LRFN2: variants seen among roughly 807,000 people sequenced by gnomAD.
The protein encoded by LRFN2 is leucine rich repeat and fibronectin type III domain containing 2.
In LRFN2, 18 loss-of-function variants were observed where a neutral mutation model predicts 37.3. The ratio of observed to expected loss-of-function variants is 0.48; its 90% CI spans 0.33 to 0.72. LRFN2 has a LOEUF of 0.72. Ranked by LOEUF, LRFN2 falls within the 30% of genes least tolerant of loss-of-function variation. The pLI, the probability that LRFN2 is intolerant of heterozygous loss-of-function variation, is 0.02. For missense variants in LRFN2, 1,006 were observed against 1,060.7 expected, an observed-to-expected ratio of 0.95 and a Z score of 0.72; for synonymous variants, 556 against 466.6, an observed-to-expected ratio of 1.19 and a Z score of -2.47.
intron 1 of LRFN2, among the ~76,000 whole-genome samples, chr6:40,465,200 A>T (rs1370238813): frequency 6.6e-6 from 1 of 152,170 alleles, no homozygotes; most frequent in East Asian, 1.9e-4. Context: ...AGCTAGAAAG[A>T]GCAAGGAAAC....
At chr6:40,486,373 A>C (rs1233389164) in intron 1 of LRFN2, among the ~76,000 whole-genome samples, 4 of 152,188 alleles carry the variant, frequency 2.6e-5, no homozygotes, top group African/African-American at 9.6e-5. Flanking sequence ...CTGACTGTGC[A>C]ATAAGAGCTG....
chr6:40,454,214 G>A (rs1764186457), intron 1 of LRFN2, among the ~76,000 whole-genome samples: 1 of 152,210 alleles, frequency 6.6e-6, no homozygotes, highest in Non-Finnish European at 1.5e-5. Flanking sequence ...AGCCAGTGCT[G>A]GTGAGGCTGT....
chr6:40,517,311 G>A (rs1273080753), intron 1 of LRFN2: 1 of 152,206 alleles, frequency 6.6e-6, no homozygotes. Flanking sequence ...TACCTTATGA[G>A]TATGGGGGAT....
intron 1 of LRFN2, among the ~76,000 whole-genome samples, chr6:40,572,992 T>G: frequency 6.6e-6 from 1 of 152,212 alleles, no homozygotes; most frequent in East Asian, 1.9e-4. Context: ...GCCGCCCCAG[T>G]GATGACTGAG....
chr6:40,540,127 C>T (rs541911625), intron 1 of LRFN2, among the ~76,000 whole-genome samples: 5 of 152,292 alleles, frequency 3.3e-5, no homozygotes, highest in South Asian at 2.1e-4. Flanking sequence ...TCAGCTCTCC[C>T]ACTGACTAGC....
chr6:40,550,385 G>A (rs1269045399), intron 1 of LRFN2, among the ~76,000 whole-genome samples: 1 of 152,168 alleles, frequency 6.6e-6, no homozygotes, highest in African/African-American at 2.4e-5. Flanking sequence ...GAGTCACATT[G>A]TCAAGCCTGG....
At chr6:40,535,434 G>T (rs1437930808) in intron 1 of LRFN2, among the ~76,000 whole-genome samples, 1 of 152,200 alleles carries the variant, frequency 6.6e-6, no homozygotes, top group African/African-American at 2.4e-5. Context: ...GAGAAGGGAA[G>T]GGTGGGGTAT....
chr6:40,511,651 T>G (rs1765711778), intron 1 of LRFN2, among the ~76,000 whole-genome samples: 1 of 151,970 alleles, frequency 6.6e-6, no homozygotes, highest in Non-Finnish European at 1.5e-5. Context: ...ACGAGGGGTG[T>G]TCCAGGAAGC....
intron 1 of LRFN2, among the ~76,000 whole-genome samples, chr6:40,497,328 C>T (rs1387752416): frequency 6.6e-6 from 1 of 152,132 alleles, no homozygotes; most frequent in East Asian, 1.9e-4. Context: ...CTTAGTCAAC[C>T]AGGCCCAACC....
chr6:40,565,466 A>G (rs1376898329), intron 1 of LRFN2, among the ~76,000 whole-genome samples: 1 of 151,982 alleles, frequency 6.6e-6, no homozygotes, highest in Non-Finnish European at 1.5e-5. Flanking sequence ...GAGGCATCAC[A>G]CTACCTGACT....
intron 2 of LRFN2, among the ~76,000 whole-genome samples, chr6:40,406,795 C>T (rs1216952700): frequency 2.0e-5 from 3 of 152,240 alleles, no homozygotes; most frequent in Admixed American, 2.0e-4. Flanking sequence ...TCTCTCATCC[C>T]ACCTTGAAGA....
intron 1 of LRFN2, among the ~76,000 whole-genome samples, chr6:40,450,116 A>T (rs569738004): frequency 1.9e-4 from 29 of 152,292 alleles, no homozygotes; most frequent in African/African-American, 7.0e-4. Flanking sequence ...GAGACACAGG[A>T]CTACGAAGTC....
At position 40,432,415 on chromosome 6, in the gene LRFN2, T is replaced by C. The variant is rs1238563327; in HGVS notation, c.699A>G (p.Pro233=). 1 of 1,613,766 alleles carries C rather than the reference T, an allele frequency of 6.2e-7. No individual in the cohort carries two copies. The highest frequency in any genetic ancestry group is 1.1e-5 in the South Asian group (1 of 91,062). Residue 233 remains proline, a synonymous_variant, in exon 2 of 3, where the codon CCA becomes CCG. Transcript: ENST00000338305. ...ASALTATPFA[P]PLSFSFGGNP... The stretch of plus-strand genomic sequence containing the variant: ...TACCCCCAAAACTAAAGGACAAGGG[T>C]GGGGCAAAGGGTGTGGCTGTCAAAG...
At chr6:40,411,340 A>C (rs1319148416) in intron 2 of LRFN2, among the ~76,000 whole-genome samples, 1 of 152,146 alleles carries the variant, frequency 6.6e-6, no homozygotes, top group African/African-American at 2.4e-5. Context: ...TGTGTGAGTG[A>C]GTGGCCGTTG....
chr6:40,413,799 C>T (rs113185359), intron 2 of LRFN2, among the ~76,000 whole-genome samples: 2 of 152,134 alleles, frequency 1.3e-5, no homozygotes, highest in African/African-American at 4.8e-5. Flanking sequence ...GAGAGCCCTC[C>T]CCTCCTGAAG....
chr6:40,401,052 G>A (rs1762728630), intron 2 of LRFN2, among the ~76,000 whole-genome samples: 1 of 146,906 alleles, frequency 6.8e-6, no homozygotes, highest in South Asian at 2.1e-4. Flanking sequence ...GACTTCCTAT[G>A]TGACCTCTCT....
In LRFN2 at chr6:40,432,102, C is replaced by G. The variant is rs1232594724; in HGVS notation, c.1012G>C (p.Val338Leu). The G allele has an allele frequency of 1.9e-6, 3 of 1,613,982 alleles. No homozygotes were observed. The highest frequency in any genetic ancestry group is 1.7e-6 in the Non-Finnish European group (2 of 1,179,958). The change falls in exon 2 of 3, where the codon GTC (valine) becomes CTC (leucine). Residue 338 changes from valine to leucine, a missense_variant. Val to Leu is a conservative substitution (Grantham distance 32). This residue lies in a region of LRFN2 where 303 missense variants were observed against 299.8 expected (regional missense o/e 1.01). Transcript: ENST00000338305. ...RLVGNSSRTAVYDNGTLDIFI... is the reference protein window; with the variant it reads ...RLVGNSSRTALYDNGTLDIFI... ...ATGTCCAGGGTGCCATTGTCATAGA[C>G]AGCGGTCCTTGAGGAGTTCCCTACC...
At chr6:40,399,347 C>G (rs754256306) in intron 2 of LRFN2, among the ~76,000 whole-genome samples, 9 of 151,686 alleles carry the variant, frequency 5.9e-5, no homozygotes, top group Non-Finnish European at 1.0e-4. Context: ...CTCACTGCCC[C>G]CACCTGTTGT....
chr6:40,471,343 T>G (rs961983044), intron 1 of LRFN2, among the ~76,000 whole-genome samples: 4 of 152,168 alleles, frequency 2.6e-5, no homozygotes, highest in African/African-American at 9.7e-5. Context: ...ATGAGTAGGC[T>G]GTCACTGCAT....
Sources: allele counts gnomAD v4.1 joint callset (sites outside exome capture counted in the v4.1 genomes callset), GRCh38; gene constraint gnomAD v4.1.1; regional missense constraint gnomAD v4.1.1; transcripts MANE v1.5; gene names NCBI Gene and HGNC (gene_info 2026-07-23, HGNC 2026-07-21).